STIM1: variants seen among roughly 807,000 people sequenced by gnomAD.
STIM1 encodes the protein stromal interaction molecule 1.
Under a neutral mutation model 74.7 loss-of-function variants are expected in STIM1, and 25 were observed. That is an observed-to-expected ratio of 0.33 (90% CI 0.24 to 0.47). STIM1 has a LOEUF of 0.47. STIM1 is among the 20% of genes least tolerant of loss of function. The pLI is 1.00. For synonymous variants in STIM1, 328 were observed against 348.8 expected (o/e 0.94, Z 0.66); for missense variants, 728 against 920.8 (o/e 0.79, Z 2.71).
chr11:4,001,389 C>T lies in STIM1; in HGVS notation c.271-22484C>T, dbSNP rs560127570. Among the ~76,000 whole-genome samples the T allele has an allele frequency of 3.8e-3, 571 of 152,234 alleles. 5 individuals are homozygous for T. The highest frequency in any genetic ancestry group is 0.012 in the African/African-American group (500 of 41,524). On this transcript the variant is annotated intron_variant, in intron 2 of 12. Transcript: ENST00000526596. The stretch of plus-strand genomic sequence containing the variant: ...CCCATCAGACTAACAGCTGATCTCT[C>T]GGCAGAAACTCTACAAGCCAGAAGA...
intron 2 of STIM1, among the ~76,000 whole-genome samples, chr11:4,000,532 G>T (rs1468902096): frequency 6.6e-6 from 1 of 151,582 alleles, no homozygotes; most frequent in Non-Finnish European, 1.5e-5. Context: ...GGTCCTGTCT[G>T]TTAGGAGGAA....
At position 3,856,166 on chromosome 11, in the gene STIM1, G is replaced by T; in HGVS notation, c.-105G>T. 6.7e-7 allele frequency: 1 copy of T among 1,495,850 alleles called. No homozygotes were observed. Among genetic ancestry groups the T allele is most frequent in the South Asian group, 1.1e-5 (1 of 88,256 alleles). The allele number at this position is 1,495,850 out of a possible 1,614,324, so 92.7% of individuals were successfully genotyped here. A position where few individuals can be genotyped will look rare whatever the true frequency, so the allele number is the denominator to read the frequency against. ...TGGCTGGACAGCTGCGGAGCCGCGA[G>T]GGCATCTTGCCTGGAGACCGTCGGC... On this transcript the variant is annotated 5_prime_UTR_variant, in exon 1 of 13. The change creates a new upstream start codon in the 5' untranslated region. Transcript: ENST00000526596.
At chr11:4,003,981 C>T (rs955146987) in intron 2 of STIM1, among the ~76,000 whole-genome samples, 4 of 152,122 alleles carry the variant, frequency 2.6e-5, no homozygotes, top group Admixed American at 6.5e-5. Context: ...GAGTGAACTC[C>T]CATTTGCAAT....
chr11:4,029,025 A>G (rs1332036856), intron 3 of STIM1, among the ~76,000 whole-genome samples: 4 of 151,894 alleles, frequency 2.6e-5, no homozygotes, highest in Non-Finnish European at 5.9e-5. Context: ...ATCTCTACTA[A>G]AAATACAAAA....
In STIM1 at chr11:3,955,505, G is replaced by A. The variant is rs184013983; in HGVS notation, c.140-12047G>A. On this transcript the variant is annotated intron_variant, in intron 1 of 12. Coordinates refer to ENST00000526596, the MANE Select transcript of STIM1 (RefSeq NM_001382567.1). ...TCATGGTAGTATTGACTGGAAAGGGGCAAGAAGGGTGGAGCCTTCCTGGAA... is the reference window on the plus strand; with the variant it reads ...TCATGGTAGTATTGACTGGAAAGGGACAAGAAGGGTGGAGCCTTCCTGGAA... Among the ~76,000 whole-genome samples the A allele has an allele frequency of 2.9e-3, 443 of 152,250 alleles. 8 individuals carry two copies. The highest frequency in any genetic ancestry group is 2.4e-4 in the Non-Finnish European group (16 of 68,012).
intron 1 of STIM1, among the ~76,000 whole-genome samples, chr11:3,905,045 G>A (rs144040392): frequency 1.3e-5 from 2 of 152,232 alleles, no homozygotes; most frequent in Admixed American, 6.5e-5. Flanking sequence ...TAGGGAGGGA[G>A]CCTGAGGAGG....
chr11:4,046,531 T>C (rs1250710832), intron 3 of STIM1, among the ~76,000 whole-genome samples: 3 of 152,212 alleles, frequency 2.0e-5, no homozygotes, highest in Non-Finnish European at 4.4e-5. Context: ...CAGCATCTTC[T>C]TGAGGACATT....
rs151022414 is a variant in STIM1, at chr11:4,058,485, G to C, written c.498-796G>C. 2.3e-3 allele frequency among the ~76,000 whole-genome samples: 354 copies of C among 152,324 alleles called. 1 individual carries two copies. The highest frequency in any genetic ancestry group is 7.9e-3 in the African/African-American group (327 of 41,568). On this transcript the variant is annotated intron_variant, in intron 4 of 12. Transcript: ENST00000526596. ...ATCAGAAAAGAGCACCAATCTTATA[G>C]AGTAGTATAGAATTAAGTGCTTACT... is the stretch of plus-strand genomic sequence containing the variant.
At chr11:3,932,373 C>A (rs2092875672) in intron 1 of STIM1, among the ~76,000 whole-genome samples, 1 of 152,142 alleles carries the variant, frequency 6.6e-6, no homozygotes, top group African/African-American at 2.4e-5. Context: ...AGAAAAGAGA[C>A]CCCAGAGGGC....
intron 6 of STIM1, among the ~76,000 whole-genome samples, chr11:4,072,761 T>C (rs114486129): frequency 1.1e-3 from 165 of 152,340 alleles, no homozygotes; most frequent in African/African-American, 3.9e-3. Context: ...AGTGAATCCT[T>C]AATGGTGTAA....
rs964112617 is a variant in STIM1, at chr11:4,092,689, A to G, written c.*891A>G. The G allele has an allele frequency of 6.6e-5, 10 of 152,196 alleles. No individual in the cohort carries two copies. The highest frequency in any genetic ancestry group is 2.4e-4 in the African/African-American group (10 of 41,440). The allele number at this position is 152,196 out of a possible 1,614,324, so 9.4% of individuals were successfully genotyped here. A position where few individuals can be genotyped will look rare whatever the true frequency, so the allele number is the denominator to read the frequency against. On this transcript the variant is annotated 3_prime_UTR_variant, in exon 13 of 13. Coordinates refer to ENST00000526596, the MANE Select transcript of STIM1 (RefSeq NM_001382567.1). Reference sequence around the variant, plus strand: ...CCTGGCCAGGAGAGCCACAGCCATGATACAGGGCTCTTATGGAGCCCTGGA... The same window carrying G: ...CCTGGCCAGGAGAGCCACAGCCATGGTACAGGGCTCTTATGGAGCCCTGGA...
At chr11:4,013,571 G>C (rs1392663539) in intron 2 of STIM1, among the ~76,000 whole-genome samples, 1 of 150,482 alleles carries the variant, frequency 6.6e-6, no homozygotes, top group Non-Finnish European at 1.5e-5. Flanking sequence ...TCTGATGGTA[G>C]TTTGTATTCC....
At chr11:4,016,933 G>A (rs1199700758) in intron 2 of STIM1, among the ~76,000 whole-genome samples, 1 of 152,224 alleles carries the variant, frequency 6.6e-6, no homozygotes, top group Non-Finnish European at 1.5e-5. Context: ...GGAAAAGTGC[G>A]GTATTTGGGC....
intron 1 of STIM1, chr11:3,903,377 G>T (rs763872813): frequency 6.6e-6 from 1 of 152,222 alleles, no homozygotes; most frequent in Non-Finnish European, 1.5e-5. Context: ...TTGATGGAAG[G>T]CAAGAAGACC....
At chr11:3,900,752 T>G (rs2092327149) in intron 1 of STIM1, among the ~76,000 whole-genome samples, 1 of 152,174 alleles carries the variant, frequency 6.6e-6, no homozygotes, top group Admixed American at 6.5e-5. Flanking sequence ...GCTAATATAT[T>G]TTTTGTAGAG....
chr11:3,909,946 T>C lies in STIM1; in HGVS notation c.139+53537T>C, dbSNP rs1442086697. ...CCGTTCCGAGGAAATAATGAAAATA[T>C]GAGAACTTTCCCTAGGGTGAGATAA... On this transcript the variant is annotated intron_variant, in intron 1 of 12. Coordinates refer to ENST00000526596, the MANE Select transcript of STIM1 (RefSeq NM_001382567.1). Among the ~76,000 whole-genome samples, 3 of 152,160 alleles carry C rather than the reference T, an allele frequency of 2.0e-5. No homozygotes were observed. The East Asian group carries it at 5.8e-4, about 29-fold the overall frequency.
chr11:3,932,445 G>A (rs964811186), intron 1 of STIM1, among the ~76,000 whole-genome samples: 5 of 152,044 alleles, frequency 3.3e-5, no homozygotes, highest in Admixed American at 3.3e-4. Context: ...GGTGGATCAC[G>A]AGGTCAGGAG....
intron 2 of STIM1, among the ~76,000 whole-genome samples, chr11:3,980,685 A>C (rs1034947731): frequency 2.6e-5 from 4 of 152,028 alleles, no homozygotes; most frequent in East Asian, 3.9e-4. Flanking sequence ...AACAACAAAA[A>C]AAAACAAATA....
chr11:4,029,948 G>A (rs1012848410), intron 3 of STIM1, among the ~76,000 whole-genome samples: 7 of 152,116 alleles, frequency 4.6e-5, no homozygotes, highest in African/African-American at 1.4e-4. Context: ...TGTTATACAT[G>A]CTTTTGCTTA....
Sources: gnomAD v4.1 joint callset for allele counts (sites outside exome capture counted in the v4.1 genomes callset) on GRCh38, gnomAD v4.1.1 for gene constraint, MANE v1.5 for transcripts, NCBI Gene and HGNC (gene_info 2026-07-23, HGNC 2026-07-21) for gene names.